Variants in DSG1 observed in about 807,000 individuals in gnomAD.
The protein encoded by DSG1 is desmoglein 1, also known as desmoglein-1.
Under a neutral mutation model 97.5 loss-of-function variants are expected in DSG1, and 39 were observed. That is an observed-to-expected ratio of 0.40 (90% CI 0.31 to 0.52). DSG1 has a LOEUF of 0.52. Among genes scored for constraint, DSG1 ranks in the 20% least tolerant of loss-of-function variants. The pLI is 0.53. For missense variants in DSG1, 1,311 were observed against 1,295.4 expected (o/e 1.01, Z -0.18); for synonymous variants, 475 against 443.4 (o/e 1.07, Z -0.90).
intron 1 of DSG1, among the ~76,000 whole-genome samples, chr18:31,325,312 C>G (rs1224366372): frequency 6.6e-6 from 1 of 152,190 alleles, no homozygotes; most frequent in Non-Finnish European, 1.5e-5. Flanking sequence ...CTTTCCAAAA[C>G]AAACAGCAAG....
At chr18:31,328,499 G>A (rs1032811382) in intron 4 of DSG1, among the ~76,000 whole-genome samples, 155 bp downstream of exon 4, 7 of 152,210 alleles carry the variant, frequency 4.6e-5, no homozygotes, top group Middle Eastern at 3.4e-3. Flanking sequence ...GAAAAGAAAT[G>A]CAAAGATTAA....
chr18:31,324,252 G>T (rs1157716791), intron 1 of DSG1, among the ~76,000 whole-genome samples: 1 of 150,608 alleles, frequency 6.6e-6, no homozygotes, highest in African/African-American at 2.4e-5. Context: ...AAAGTGCTGG[G>T]ATTACAGGCG....
rs1358049787 is a variant in DSG1, at chr18:31,355,094, C to T, written c.2898C>T (p.Gly966=). 6.2e-7 allele frequency: 1 copy of T among 1,614,152 alleles called. No homozygotes were observed. Among genetic ancestry groups the T allele is most frequent in the African/African-American group, 1.3e-5 (1 of 75,036 alleles). The change falls in exon 15 of 15, where the codon GGC becomes GGT. Residue 966 remains glycine (G), a synonymous_variant. Coordinates refer to ENST00000257192, the MANE Select transcript of DSG1 (RefSeq NM_001942.4). ...GTGCTGGCGTAACTGGAATTAGTGG[C>T]ACCACTGGGATCAGCGGTGGCATAG... ...VSGAGVTGIS[G]TTGISGGIGS...
At chr18:31,341,502 T>A (rs944635248) in intron 11 of DSG1, among the ~76,000 whole-genome samples, 1 of 152,246 alleles carries the variant, frequency 6.6e-6, no homozygotes, top group Non-Finnish European at 1.5e-5. Flanking sequence ...GCCATGGTGA[T>A]AACACAGCTT....
intron 1 of DSG1, among the ~76,000 whole-genome samples, chr18:31,323,942 T>C (rs2071669083): frequency 6.6e-6 from 1 of 151,592 alleles, no homozygotes; most frequent in Non-Finnish European, 1.5e-5. Context: ...TCTTTCGCCA[T>C]TCCTTCTCTC....
chr18:31,331,614 C>T, intron 5 of DSG1, 87 bp from the exon 6 acceptor site: 1 of 1,259,802 alleles, frequency 7.9e-7, no homozygotes, highest in Non-Finnish European at 1.1e-6. Flanking sequence ...GATCAACTAA[C>T]TCTAACACTT....
At chr18:31,336,262 A>G in intron 8 of DSG1, 92 bp from the exon 9 acceptor site, 3 of 1,084,434 alleles carry the variant, frequency 2.8e-6, no homozygotes, top group Non-Finnish European at 3.9e-6. Flanking sequence ...AAAGAAAGAT[A>G]ATAAGTTTTT....
intron 1 of DSG1, among the ~76,000 whole-genome samples, chr18:31,323,913 A>G (rs1169481564): frequency 7.0e-6 from 1 of 143,856 alleles, no homozygotes; most frequent in Non-Finnish European, 1.5e-5. Flanking sequence ...ATTATAATGC[A>G]TTATATTTTC....
At chr18:31,334,445 T>C (rs1435159154) in intron 8 of DSG1, among the ~76,000 whole-genome samples, 1 of 152,042 alleles carries the variant, frequency 6.6e-6, no homozygotes, top group African/African-American at 2.4e-5. Context: ...CCCAAATAGA[T>C]CATATAAATT....
chr18:31,336,345 A>G lies in DSG1; in HGVS notation c.1006-9A>G, dbSNP rs1462516426. The G allele has an allele frequency of 1.2e-6, 2 of 1,612,044 alleles. No individual in the cohort carries two copies. Among genetic ancestry groups the G allele is most frequent in the Non-Finnish European group, 1.7e-6 (2 of 1,178,994 alleles). ...TTATAATGAAACTATTTTACTCTGT[A>G]TTTTCTAGCCCTTAGATTATGAAGC... On this transcript the variant is annotated splice_polypyrimidine_tract_variant and intron_variant, in intron 8 of 14. Coordinates refer to ENST00000257192, the MANE Select transcript of DSG1 (RefSeq NM_001942.4).
At chr18:31,327,588 C>T (rs2071693767) in intron 3 of DSG1, among the ~76,000 whole-genome samples, 1 of 152,074 alleles carries the variant, frequency 6.6e-6, no homozygotes, top group African/African-American at 2.4e-5. Flanking sequence ...TTGTTTACAG[C>T]CAAACAATAT....
Position 31,333,689 on chromosome 18 carries a change from T to C in DSG1, c.785T>C (p.Val262Ala). ...GAGTGCAACATTAAAATCCTCGATG[T>C]CAATGATAATATCCCTTACATGGAA... Reference protein sequence around the residue: ...ECECNIKILDVNDNIPYMEQS... With the variant: ...ECECNIKILDANDNIPYMEQS... The change falls in exon 7 of 15, where the codon GTC (valine) becomes GCC (alanine). Residue 262 changes from valine to alanine, a missense_variant. Physicochemically the swap from Val to Ala is moderately conservative, Grantham distance 64. Around this residue, in one of 3 missense-constraint regions of DSG1, gnomAD observed 14 missense variants for 26.7 expected, o/e 0.52. Coordinates refer to ENST00000257192, the MANE Select transcript of DSG1 (RefSeq NM_001942.4). 1 of 1,613,864 alleles carries C rather than the reference T, an allele frequency of 6.2e-7. No individual in the cohort carries two copies. The highest frequency in any genetic ancestry group is 1.1e-5 in the South Asian group (1 of 91,076).
rs149057495 is a variant in DSG1, at chr18:31,333,351, A to G, written c.685-238A>G. Among the ~76,000 whole-genome samples, 246 of 152,294 alleles carry G rather than the reference A, an allele frequency of 1.6e-3. 2 individuals are homozygous for G. The highest frequency in any genetic ancestry group is 5.6e-3 in the African/African-American group (232 of 41,554). On this transcript the variant is annotated intron_variant, in intron 6 of 14. Transcript: ENST00000257192. ...TTATAAACTTTTTCAACCTCTGGAC[A>G]TATTATTATTAATAAGAAATGAAGC...
Position 31,339,998 on chromosome 18 carries a change from C to T in DSG1, c.1660C>T (p.Leu554Phe), listed in dbSNP as rs2071778955. ...TTTTGGTCCTGCTGGCATTGGACTC[C>T]TCATCATGGGATTCTTGGTCTTAGG... ...VHFGPAGIGL[L>F]IMGFLVLGLV... The change falls in exon 11 of 15, where the codon CTC (leucine) becomes TTC (phenylalanine). Residue 554 changes from leucine (L) to phenylalanine (F), a missense_variant. Coordinates refer to ENST00000257192, the MANE Select transcript of DSG1 (RefSeq NM_001942.4). 5 of 1,613,990 alleles carry T rather than the reference C, an allele frequency of 3.1e-6. No individual in the cohort carries two copies. The highest frequency in any genetic ancestry group is 4.2e-6 in the Non-Finnish European group (5 of 1,179,978).
chr18:31,344,186 T>C (rs1356125732), intron 13 of DSG1, among the ~76,000 whole-genome samples, 191 bp downstream of exon 13: 1 of 152,312 alleles, frequency 6.6e-6, no homozygotes, highest in East Asian at 1.9e-4. Flanking sequence ...ATGCTTCATT[T>C]TAAAAATTTT....
In DSG1 at chr18:31,357,645, C is replaced by G. The variant is rs1022521263; in HGVS notation, c.*2299C>G. ...AATCCATTGGTTGTTAAGATCCCCC[C>G]AATTTAGTTACATCTGAACTCCTAA... On this transcript the variant is annotated 3_prime_UTR_variant, in exon 15 of 15. Transcript: ENST00000257192. Among the ~76,000 whole-genome samples, 8 of 151,816 alleles carry G rather than the reference C, an allele frequency of 5.3e-5. No individual in the cohort carries two copies. The highest frequency in any genetic ancestry group is 1.7e-4 in the African/African-American group (7 of 41,364).
At position 31,331,688 on chromosome 18, in the gene DSG1, C is replaced by T. The variant is rs772851888; in HGVS notation, c.518-13C>T. 4.7e-5 allele frequency: 75 copies of T among 1,611,152 alleles called. No individual in the cohort carries two copies. Among genetic ancestry groups the T allele is most frequent in the Non-Finnish European group, 5.5e-5 (65 of 1,178,258 alleles). ...AAATCACCCATTTGCAATCAATTTT[C>T]CTTAATTTCTAGATACACTGGTGAT... On this transcript the variant is annotated splice_polypyrimidine_tract_variant and intron_variant, in intron 5 of 14. Coordinates refer to ENST00000257192, the MANE Select transcript of DSG1 (RefSeq NM_001942.4).
chr18:31,334,051 C>A lies in DSG1; in HGVS notation c.854C>A (p.Ser285Ter). The A allele has an allele frequency of 1.2e-6, 2 of 1,610,456 alleles. No homozygotes were observed. Among genetic ancestry groups the A allele is most frequent in the South Asian group, 2.2e-5 (2 of 90,926 alleles). ...TIEIQENTLN[S>*]NLLEIRVIDL... ...GAAATTCAAGAAAATACTCTAAATT[C>A]AAATTTGCTCGAGATTAGAGTAATT... Residue 285 changes from serine to a stop codon, truncating the protein, a stop_gained, in exon 8 of 15, where the codon TCA becomes TAA. Transcript: ENST00000257192. LOFTEE classifies it high-confidence loss of function.
At chr18:31,330,670 C>T (rs1352285185) in intron 5 of DSG1, among the ~76,000 whole-genome samples, 1 of 152,090 alleles carries the variant, frequency 6.6e-6, no homozygotes, top group Non-Finnish European at 1.5e-5. Context: ...GAGGTATGCA[C>T]TGTGTACATG....
Sources: allele counts gnomAD v4.1 joint callset (sites outside exome capture counted in the v4.1 genomes callset), GRCh38; gene constraint gnomAD v4.1.1; regional missense constraint gnomAD v4.1.1; transcripts MANE v1.5; gene names NCBI Gene and HGNC (gene_info 2026-07-23, HGNC 2026-07-21).